OXR1: variants seen among roughly 807,000 people sequenced by gnomAD.
OXR1 encodes oxidation resistance 1, also known as oxidation resistance protein 1.
OXR1 carries 41 observed loss-of-function variants against 104.6 expected under a neutral mutation model. The observed-to-expected ratio is 0.39, with a 90% CI of 0.31 to 0.51. The LOEUF (loss-of-function observed/expected upper bound fraction) is 0.51, where lower values mean the gene tolerates loss of function less well. OXR1 is among the 20% of genes least tolerant of loss of function. The pLI, the probability that OXR1 is intolerant of heterozygous loss-of-function variation, is 0.77. For synonymous variants in OXR1, 348 were observed against 348.4 expected, an observed-to-expected ratio of 1.00 and a Z score of 0.01; for missense variants, 955 against 1,031.9, an observed-to-expected ratio of 0.93 and a Z score of 1.02.
chr8:106,601,631 T>G (rs1294812602), intron 3 of OXR1, among the ~76,000 whole-genome samples: 1 of 152,184 alleles, frequency 6.6e-6, no homozygotes, highest in Admixed American at 6.5e-5. Context: ...CATATATGAA[T>G]TCTGGGGAGT....
intron 2 of OXR1, among the ~76,000 whole-genome samples, chr8:106,504,496 C>G (rs550518468): frequency 2.3e-4 from 35 of 152,274 alleles, no homozygotes; most frequent in African/African-American, 8.4e-4. Context: ...GAGAATAAGA[C>G]AATCCCTGAC....
intron 1 of OXR1, among the ~76,000 whole-genome samples, chr8:106,299,106 A>C (rs1313214832): frequency 6.6e-6 from 1 of 152,026 alleles, no homozygotes; most frequent in African/African-American, 2.4e-5. Flanking sequence ...TTCATTGCTC[A>C]CTCATGTGAA....
chr8:106,274,015 T>G (rs2130467432), intron 1 of OXR1, among the ~76,000 whole-genome samples: 1 of 152,340 alleles, frequency 6.6e-6, no homozygotes. Context: ...TTGTAAGTTC[T>G]TTATCAAGTG....
chr8:106,289,587 C>T (rs989447538), intron 1 of OXR1, among the ~76,000 whole-genome samples: 1 of 152,190 alleles, frequency 6.6e-6, no homozygotes, highest in African/African-American at 2.4e-5. Flanking sequence ...GCCATACCGT[C>T]TAAAGCAATT....
chr8:106,296,145 T>C (rs1812985479), intron 1 of OXR1, among the ~76,000 whole-genome samples: 1 of 152,196 alleles, frequency 6.6e-6, no homozygotes. Flanking sequence ...CAACCTGCAG[T>C]TCTTCGAGTC....
chr8:106,683,141 T>C, intron 4 of OXR1, 58 bp from the exon 5 acceptor site: 2 of 812,676 alleles, frequency 2.5e-6, no homozygotes. Context: ...TCATTAAATA[T>C]TATAGTTTAG....
In OXR1 at chr8:106,289,093, A is replaced by G. The variant is rs1268271887; in HGVS notation, c.-139+18726A>G. ...TACTGAATGGGCAAAAGCTGGAAGCATTCCCCTTAAGAACTGAAATAAGAC... is the reference window on the plus strand; with the variant it reads ...TACTGAATGGGCAAAAGCTGGAAGCGTTCCCCTTAAGAACTGAAATAAGAC... On this transcript the variant is annotated intron_variant, in intron 1 of 16. Transcript: ENST00000517566. 3.3e-5 allele frequency among the ~76,000 whole-genome samples: 5 copies of G among 152,302 alleles called. No individual in the cohort carries two copies. The East Asian group carries it at 7.7e-4, about 23-fold the overall frequency.
chr8:106,507,332 T>C (rs1812235694), intron 2 of OXR1, among the ~76,000 whole-genome samples: 1 of 152,054 alleles, frequency 6.6e-6, no homozygotes, highest in Non-Finnish European at 1.5e-5. Context: ...ATGAGGAAAC[T>C]ATGGAGAGAT....
At chr8:106,297,831 A>T (rs992532712) in intron 1 of OXR1, among the ~76,000 whole-genome samples, 5 of 152,172 alleles carry the variant, frequency 3.3e-5, no homozygotes, top group African/African-American at 1.2e-4. Flanking sequence ...ACACCTTGGG[A>T]AAGGAGTAGG....
intron 2 of OXR1, among the ~76,000 whole-genome samples, chr8:106,369,988 C>T (rs1816636765): frequency 6.6e-6 from 1 of 152,150 alleles, no homozygotes; most frequent in African/African-American, 2.4e-5. Context: ...TTACTTCGGG[C>T]TGTTTGGCCA....
intron 11 of OXR1, among the ~76,000 whole-genome samples, chr8:106,723,305 C>T (rs1011444278): frequency 6.6e-6 from 1 of 152,022 alleles, no homozygotes; most frequent in Admixed American, 6.5e-5. Context: ...TCCTCGCTAA[C>T]ACGGTGAAAC....
intron 1 of OXR1, among the ~76,000 whole-genome samples, chr8:106,345,566 T>C (rs561742838): frequency 6.6e-6 from 1 of 152,202 alleles, no homozygotes; most frequent in African/African-American, 2.4e-5. Context: ...AGTATCTCCA[T>C]ATAGAATCAT....
intron 13 of OXR1, 129 bp from the exon 14 acceptor site, chr8:106,740,214 A>G (rs187084439): frequency 6.1e-4 from 369 of 603,668 alleles, no homozygotes; most frequent in Admixed American, 1.4e-3. Context: ...TTTGAGAATA[A>G]TAATTTCTAC....
intron 3 of OXR1, among the ~76,000 whole-genome samples, chr8:106,634,383 A>C (rs1315693706): frequency 6.6e-6 from 1 of 152,178 alleles, no homozygotes; most frequent in Non-Finnish European, 1.5e-5. Context: ...TCAGAGTAAA[A>C]AGGTTACAAA....
intron 1 of OXR1, among the ~76,000 whole-genome samples, chr8:106,278,660 T>C (rs1812158784): frequency 6.6e-6 from 1 of 152,208 alleles, no homozygotes. Flanking sequence ...TCATTTATTT[T>C]TCACCCTTTG....
chr8:106,595,119 A>G (rs1819413744), intron 3 of OXR1, among the ~76,000 whole-genome samples: 1 of 152,228 alleles, frequency 6.6e-6, no homozygotes, highest in Non-Finnish European at 1.5e-5. Context: ...ACCAGTTTGC[A>G]ACCCTTGCCT....
intron 6 of OXR1, 141 bp downstream of exon 6, chr8:106,684,500 C>A: frequency 1.7e-6 from 1 of 581,528 alleles, no homozygotes; most frequent in Non-Finnish European, 3.1e-6. Context: ...TTTGTAAATC[C>A]CAGCTTTAAA....
intron 7 of OXR1, among the ~76,000 whole-genome samples, chr8:106,700,871 A>AT (rs776889701): frequency 1.0e-3 from 150 of 150,464 alleles, no homozygotes; most frequent in African/African-American, 3.1e-3. Flanking sequence ...TTAGAGCTTG[A>AT]TTTTTTTTTT....
rs1829829871 is a variant in OXR1, at chr8:106,694,936, T to C, written c.675+2059T>C. On this transcript the variant is annotated intron_variant, in intron 7 of 16. Transcript: ENST00000517566. ...ACATATTTATATATATTTATATATA[T>C]ATAAATATAAAATATTTATATATAT... 4.3e-5 allele frequency among the ~76,000 whole-genome samples: 6 copies of C among 140,320 alleles called. No individual in the cohort carries two copies. The South Asian group carries it at 1.3e-3, about 30-fold the overall frequency. The allele number at this position is 140,320 out of a possible 152,430, so 92.1% of individuals were successfully genotyped here.
Sources: allele counts gnomAD v4.1 joint callset (sites outside exome capture counted in the v4.1 genomes callset), GRCh38; gene constraint gnomAD v4.1.1; transcripts MANE v1.5; gene names NCBI Gene and HGNC (gene_info 2026-07-23, HGNC 2026-07-21).